PTK2B: variants seen among roughly 807,000 people sequenced by gnomAD.
PTK2B encodes the protein protein tyrosine kinase 2 beta, also known as protein-tyrosine kinase 2-beta.
A neutral mutation model predicts 142.9 loss-of-function variants in PTK2B; 71 were observed. That is an observed-to-expected ratio of 0.50 (90% CI 0.41 to 0.61). The LOEUF (loss-of-function observed/expected upper bound fraction) is 0.61, where lower values mean the gene tolerates loss of function less well. Among genes scored for constraint, PTK2B ranks in the 20% least tolerant of loss-of-function variants. The probability of loss-of-function intolerance (pLI) is 0.00; values close to 1 mark genes in which losing one functional copy is unlikely to be tolerated. For synonymous variants in PTK2B, 519 were observed against 503.4 expected, an observed-to-expected ratio of 1.03 and a Z score of -0.42; for missense variants, 1,105 against 1,320.4, an observed-to-expected ratio of 0.84 and a Z score of 2.53.
intron 2 of PTK2B, among the ~76,000 whole-genome samples, chr8:27,407,095 T>G (rs2131588160): frequency 6.6e-6 from 1 of 152,306 alleles, no homozygotes; most frequent in South Asian, 2.1e-4. Flanking sequence ...GTCTCATTTT[T>G]AACAGAACAT....
At chr8:27,450,343 C>G (rs2132436850) in intron 24 of PTK2B, among the ~76,000 whole-genome samples, 1 of 152,304 alleles carries the variant, frequency 6.6e-6, no homozygotes, top group East Asian at 1.9e-4. Flanking sequence ...CTTGGAAACC[C>G]TTTGGATGCT....
At chr8:27,323,204 G>A (rs1803262121), upstream of PTK2B, 1 of 152,386 alleles carries the variant, frequency 6.6e-6, no homozygotes, top group South Asian at 2.1e-4. Context: ...GAGATTGCAT[G>A]GCTGCAGGGT....
chr8:27,314,855 C>T (rs1803059273), intron 3 of PTK2B, among the ~76,000 whole-genome samples: 1 of 152,198 alleles, frequency 6.6e-6, no homozygotes, highest in Non-Finnish European at 1.5e-5. Context: ...GTGGGAGAAT[C>T]GCTTGAATCC....
At chr8:27,440,203 C>A in intron 20 of PTK2B, 34 bp from the exon 21 acceptor site, 7 of 1,608,108 alleles carry the variant, frequency 4.4e-6, no homozygotes, top group South Asian at 1.1e-5. Flanking sequence ...ACTGGTCTCC[C>A]CCACCCAGGG....
intron 1 of PTK2B, among the ~76,000 whole-genome samples, chr8:27,388,504 T>C (rs774836948): frequency 1.1e-4 from 16 of 152,218 alleles, no homozygotes; most frequent in Non-Finnish European, 2.2e-4. Context: ...TACTGGGTGG[T>C]GCCACCACTA....
chr8:27,427,341 A>C (rs866717121), intron 5 of PTK2B, among the ~76,000 whole-genome samples: 1 of 152,164 alleles, frequency 6.6e-6, no homozygotes, highest in Non-Finnish European at 1.5e-5. Flanking sequence ...CCCCCTTTGC[A>C]AAACCACTGT....
upstream of PTK2B, chr8:27,310,939 AC>A (rs763735801): frequency 2.2e-5 from 35 of 1,612,546 alleles, no homozygotes; most frequent in Non-Finnish European, 2.9e-5. Context: ...GGCGGCAGAC[AC>A]GCGAGAAGCG....
Position 27,440,526 on chromosome 8 carries a change from C to T in PTK2B, c.2039+85C>T, listed in dbSNP as rs546520264. 9.1e-5 allele frequency: 134 copies of T among 1,469,574 alleles called. 1 individual carries two copies. In the East Asian group the frequency reaches 2.0e-3, roughly 22 times the overall value. The allele number at this position is 1,469,574 out of a possible 1,614,324, so 91.0% of individuals were successfully genotyped here. A position where few individuals can be genotyped will look rare whatever the true frequency, so the allele number is the denominator to read the frequency against. ...CCAGCACACAGAGAGGTTTGCACCA[C>T]ATCTCCCTAAAGAAGACGGGCCAGG... is the stretch of plus-strand genomic sequence containing the variant. On this transcript the variant is annotated intron_variant, in intron 21 of 30. Transcript: ENST00000346049.
chr8:27,399,499 T>G (rs1250115256), intron 2 of PTK2B, among the ~76,000 whole-genome samples: 1 of 152,216 alleles, frequency 6.6e-6, no homozygotes, highest in Non-Finnish European at 1.5e-5. Flanking sequence ...CAGAGAAATT[T>G]GGAAATGGAC....
At chr8:27,437,561 AT>A in intron 17 of PTK2B, 65 bp downstream of exon 17, 1 of 1,368,090 alleles carries the variant, frequency 7.3e-7, no homozygotes, top group Non-Finnish European at 1.0e-6. Flanking sequence ...AGCACAGCCC[AT>A]TCCTCCCAGC....
chr8:27,318,324 C>T (rs114091791), intron 3 of PTK2B, among the ~76,000 whole-genome samples: 1,929 of 152,214 alleles, frequency 0.013, 46 homozygotes, highest in African/African-American at 0.044. Flanking sequence ...TTATGGAATT[C>T]GACACTGGCA....
intron 1 of PTK2B, among the ~76,000 whole-genome samples, chr8:27,375,430 T>C (rs11996750): frequency 0.02 from 3,005 of 152,226 alleles, 103 homozygotes; most frequent in African/African-American, 0.068. Context: ...TTCCCAGTGG[T>C]CATCCAGTCA....
chr8:27,434,178 T>G, intron 12 of PTK2B, 46 bp downstream of exon 12: 1 of 1,596,746 alleles, frequency 6.3e-7, no homozygotes. Flanking sequence ...GCTCAGCCTG[T>G]GCTGCTGAGA....
chr8:27,352,331 C>A (rs546396745), intron 1 of PTK2B, among the ~76,000 whole-genome samples: 1 of 152,150 alleles, frequency 6.6e-6, no homozygotes, highest in East Asian at 1.9e-4. Context: ...GTAGGCATGA[C>A]GCATGGAAGG....
In PTK2B at chr8:27,421,278, C is replaced by CTATT. The variant is rs59319424; in HGVS notation, c.471+580_471+583dup. 6.6e-3 allele frequency among the ~76,000 whole-genome samples: 967 copies of CTATT among 147,162 alleles called. 9 individuals carry two copies. Among genetic ancestry groups the CTATT allele is most frequent in the East Asian group, 0.024 (120 of 4,962 alleles). On this transcript the variant is annotated intron_variant, in intron 4 of 30. Coordinates refer to ENST00000346049, the MANE Select transcript of PTK2B (RefSeq NM_173176.3). ...AAATTCCCTTACACGTAGCACTTACCTATTTATTTATTTATTTATTTATTT... is the reference window on the plus strand; with the variant it reads ...AAATTCCCTTACACGTAGCACTTACCTATTTATTTATTTATTTATTTATTTATTT...
intron 20 of PTK2B, among the ~76,000 whole-genome samples, 186 bp from the exon 21 acceptor site, chr8:27,440,051 C>A (rs142640455): frequency 6.6e-6 from 1 of 152,330 alleles, no homozygotes; most frequent in East Asian, 1.9e-4. Flanking sequence ...AGGTCACTTA[C>A]TGCAGAGGTA....
At chr8:27,362,109 A>G (rs1475008658) in intron 1 of PTK2B, among the ~76,000 whole-genome samples, 1 of 152,162 alleles carries the variant, frequency 6.6e-6, no homozygotes. Context: ...CTGTCTGGGC[A>G]GGCCTGCTCT....
At position 27,433,542 on chromosome 8, in the gene PTK2B, T is replaced by C. The variant is rs574342569; in HGVS notation, c.1095T>C (p.His365=). Residue 365 remains histidine, a synonymous_variant, in exon 11 of 31, where the codon CAT becomes CAC. Coordinates refer to ENST00000346049, the MANE Select transcript of PTK2B (RefSeq NM_173176.3). ...AGCACCAAGGCTCTCTCATCATCCATCCTAGGAAAGGTGGGTTCCATTTAA... is the reference window on the plus strand; with the variant it reads ...AGCACCAAGGCTCTCTCATCATCCACCCTAGGAAAGGTGGGTTCCATTTAA... ...QGEHQGSLII[H]PRKDGEKRNS... The C allele has an allele frequency of 7.8e-5, 126 of 1,613,558 alleles. 1 individual carries two copies. The South Asian group carries it at 1.3e-3, about 16-fold the overall frequency.
chr8:27,353,882 CT>C (rs1404675357), intron 1 of PTK2B, among the ~76,000 whole-genome samples: 16 of 152,298 alleles, frequency 1.1e-4, no homozygotes, highest in African/African-American at 3.6e-4. Context: ...TGTCACACCC[CT>C]GTTTATTGTC....
Sources: gnomAD v4.1 joint callset for allele counts (sites outside exome capture counted in the v4.1 genomes callset) on GRCh38, gnomAD v4.1.1 for gene constraint, MANE v1.5 for transcripts, NCBI Gene and HGNC (gene_info 2026-07-23, HGNC 2026-07-21) for gene names.